Variants in MTRR observed in about 807,000 individuals in gnomAD.
MTRR encodes the protein methionine synthase reductase.
Under a neutral mutation model 79.2 loss-of-function variants are expected in MTRR, and 63 were observed. That is an observed-to-expected ratio of 0.80 (90% confidence interval 0.65 to 0.98). MTRR has a LOEUF of 0.98. Among genes scored for constraint, MTRR ranks in the 50% least tolerant of loss-of-function variants. The probability of loss-of-function intolerance (pLI) is 0.00; values close to 1 mark genes in which losing one functional copy is unlikely to be tolerated. For synonymous variants in MTRR, 355 were observed against 313.3 expected (o/e 1.13, Z -1.41); for missense variants, 895 against 839.6 (o/e 1.07, Z -0.82).
At chr5:7,874,993 T>C (rs944745994) in intron 3 of MTRR, among the ~76,000 whole-genome samples, 3 of 152,210 alleles carry the variant, frequency 2.0e-5, no homozygotes, top group African/African-American at 7.2e-5. Flanking sequence ...CACATAGTCA[T>C]GGAGATGAAA....
chr5:7,869,559 C>A, intron 1 of MTRR: 1 of 285,432 alleles, frequency 3.5e-6, no homozygotes, highest in Non-Finnish European at 6.8e-6. Context: ...GGGAACATGC[C>A]GGGTTGGGGC....
intron 1 of MTRR, among the ~76,000 whole-genome samples, chr5:7,859,982 T>C (rs1000783122): frequency 6.6e-6 from 1 of 151,612 alleles, no homozygotes; most frequent in South Asian, 2.1e-4. Context: ...AAAGAGGGAA[T>C]GAAGAGGGAG....
upstream of MTRR, chr5:7,866,085 T>A: frequency 2.4e-6 from 2 of 828,678 alleles, no homozygotes; most frequent in Non-Finnish European, 4.0e-6. Flanking sequence ...CAGACAGAAG[T>A]ATTCTATTTT....
Position 7,889,207 on chromosome 5 carries a change from C to T in MTRR, c.1259C>T (p.Ala420Val), listed in dbSNP as rs1737135884. The T allele has an allele frequency of 6.2e-7, 1 of 1,613,780 alleles. No homozygotes were observed. The highest frequency in any genetic ancestry group is 8.5e-7 in the Non-Finnish European group (1 of 1,180,024). ...GATTATAGCCGCTTTGTACGAGATG[C>T]CTGTGCCTGCTTGTTGGATCTCCTC... ...AADYSRFVRD[A>V]CACLLDLLLA... The change falls in exon 9 of 15, where the codon GCC (alanine) becomes GTC (valine). Residue 420 changes from alanine (A) to valine (V), a missense_variant. By Grantham distance (64) the Ala-to-Val change is moderately conservative. Coordinates refer to ENST00000440940, the MANE Select transcript of MTRR (RefSeq NM_002454.3).
In MTRR at chr5:7,899,936, G is replaced by T. The variant is rs1468134821; in HGVS notation, c.1975G>T (p.Asp659Tyr). Residue 659 changes from aspartate to tyrosine, a missense_variant, in exon 15 of 15, where the codon GAT becomes TAT. Physicochemically the swap from Asp to Tyr is radical, Grantham distance 160. Coordinates refer to ENST00000440940, the MANE Select transcript of MTRR (RefSeq NM_002454.3). ...VCGDAKNMAK[D>Y]VHDALVQIIS... ...TAGAGATGCAAAGAATATGGCCAAG[G>T]ATGTACATGATGCCCTTGTGCAAAT... 1 of 1,614,148 alleles carries T rather than the reference G, an allele frequency of 6.2e-7. No homozygotes were observed.
Position 7,889,126 on chromosome 5 carries a change from G to A in MTRR, c.1178G>A (p.Ser393Asn). ...AFLRALVDYT[S>N]DSAEKRRLQE... ...TTGCGAGCCCTTGTGGACTATACCA[G>A]TGACAGTGCTGAAAAGCGCAGGCTA... Residue 393 changes from serine to asparagine, a missense_variant, in exon 9 of 15, where the codon AGT (serine) becomes AAT (asparagine). Ser to Asn is a conservative substitution (Grantham distance 46). Coordinates refer to ENST00000440940, the MANE Select transcript of MTRR (RefSeq NM_002454.3). 6.2e-7 allele frequency: 1 copy of A among 1,614,086 alleles called. No homozygotes were observed. The highest frequency in any genetic ancestry group is 8.5e-7 in the Non-Finnish European group (1 of 1,179,964).
intron 6 of MTRR, among the ~76,000 whole-genome samples, 166 bp downstream of exon 6, chr5:7,883,443 A>G (rs441581): frequency 7.5e-6 from 1 of 132,840 alleles, no homozygotes; most frequent in African/African-American, 2.7e-5. Flanking sequence ...TTGGTTACAT[A>G]TGCTGAGTTG....
upstream of MTRR, chr5:7,866,106 T>A (rs1746928418): frequency 1.4e-6 from 1 of 710,446 alleles, no homozygotes; most frequent in East Asian, 2.7e-5. Context: ...TAAATGACAC[T>A]ATGAAATGAA....
At chr5:7,873,652 A>G (rs561816162) in intron 3 of MTRR, 126 bp downstream of exon 3, 6 of 1,082,514 alleles carry the variant, frequency 5.5e-6, no homozygotes, top group Non-Finnish European at 6.8e-6. Flanking sequence ...TATTATGTAT[A>G]TGTATATATA....
Position 7,886,657 on chromosome 5 carries a change from A to T in MTRR, c.1100A>T (p.Gln367Leu). Reference protein sequence around the residue: ...PQHIPAGCSLQFIFTWCLEIR... With the variant: ...PQHIPAGCSLLFIFTWCLEIR... The stretch of plus-strand genomic sequence containing the variant: ...CATATACCTGCGGGATGTTCTCTCC[A>T]GTTCATTTTTACCTGGTGTCTTGAA... Residue 367 changes from glutamine (Q) to leucine (L), a missense_variant, in exon 8 of 15, where the codon CAG becomes CTG. Physicochemically the swap from Gln to Leu is moderately radical, Grantham distance 113 (BLOSUM62 -2). Transcript: ENST00000440940. 6.2e-7 allele frequency: 1 copy of T among 1,614,040 alleles called. No homozygotes were observed. The highest frequency in any genetic ancestry group is 8.5e-7 in the Non-Finnish European group (1 of 1,179,930).
At chr5:7,891,284 ATGGAATTTT>A (rs1737505929) in intron 9 of MTRR, 79 bp from the exon 10 acceptor site, 1 of 751,954 alleles carries the variant, frequency 1.3e-6, no homozygotes, top group South Asian at 1.7e-5. Context: ...TAAATAAGAC[ATGGAATTTT>A]TTTTTTTTTT....
At chr5:7,875,148 C>A (rs148288960) in intron 3 of MTRR, 110 bp from the exon 4 acceptor site, 1 of 804,024 alleles carries the variant, frequency 1.2e-6, no homozygotes, top group Non-Finnish European at 2.2e-6. Flanking sequence ...CATTATTACT[C>A]CATCCATAAG....
chr5:7,857,862 T>C (rs1031574866), intron 1 of MTRR, among the ~76,000 whole-genome samples: 3 of 152,168 alleles, frequency 2.0e-5, no homozygotes, highest in African/African-American at 7.2e-5. Context: ...AAGTGAAAAC[T>C]GCAGAAGGAG....
At chr5:7,888,780 T>G (rs754245052) in intron 8 of MTRR, among the ~76,000 whole-genome samples, 2 of 152,246 alleles carry the variant, frequency 1.3e-5, no homozygotes, top group Non-Finnish European at 2.9e-5. Context: ...TGCCTGTAAT[T>G]AATAACTTGT....
At chr5:7,898,556 A>C (rs1738926680) in intron 14 of MTRR, among the ~76,000 whole-genome samples, 3 of 152,224 alleles carry the variant, frequency 2.0e-5, no homozygotes, top group Admixed American at 1.3e-4. Flanking sequence ...AAGTAGACAG[A>C]AGGAACAGCC....
Position 7,883,232 on chromosome 5 carries a change from G to T in MTRR, c.858G>T (p.Thr286=), listed in dbSNP as rs762745815. The change falls in exon 6 of 15, where the codon ACG becomes ACT. Residue 286 remains threonine, a synonymous_variant. Coordinates refer to ENST00000440940, the MANE Select transcript of MTRR (RefSeq NM_002454.3). The part of the protein sequence containing the change: ...VPISKAVQLT[T]NDAIKTTLLV... ...TTTCAAAGGCAGTTCAACTTACTACGAATGATGCCATAAAAACCACTCTGC... is the reference window on the plus strand; with the variant it reads ...TTTCAAAGGCAGTTCAACTTACTACTAATGATGCCATAAAAACCACTCTGC... 2.5e-6 allele frequency: 4 copies of T among 1,614,072 alleles called. No homozygotes were observed. Among genetic ancestry groups the T allele is most frequent in the Non-Finnish European group, 3.4e-6 (4 of 1,180,026 alleles).
At chr5:7,896,505 C>T (rs1314748038) in intron 12 of MTRR, 2 of 319,448 alleles carry the variant, frequency 6.3e-6, no homozygotes, top group African/African-American at 4.3e-5. Context: ...TTTACACATT[C>T]TGCCTTTAAC....
chr5:7,886,147 T>A (rs1338343980), intron 7 of MTRR, among the ~76,000 whole-genome samples: 4 of 152,220 alleles, frequency 2.6e-5, no homozygotes, highest in Non-Finnish European at 5.9e-5. Context: ...AGGTTATTTT[T>A]AAAAATTCTT....
chr5:7,888,490 G>A lies in MTRR; in HGVS notation c.1147-605G>A, dbSNP rs532559402. Among the ~76,000 whole-genome samples the A allele has an allele frequency of 1.1e-4, 16 of 152,308 alleles. No homozygotes were observed. The South Asian group carries it at 2.9e-3, about 28-fold the overall frequency. Reference sequence around the variant, plus strand: ...TCCATTCAGCAGTGTTTCCTGAGTCGTTGTTTTTGGTCAATGCTGAGTTTG... The same window carrying A: ...TCCATTCAGCAGTGTTTCCTGAGTCATTGTTTTTGGTCAATGCTGAGTTTG... On this transcript the variant is annotated intron_variant, in intron 8 of 14. Transcript: ENST00000440940.
Sources: allele counts gnomAD v4.1 joint callset (sites outside exome capture counted in the v4.1 genomes callset), GRCh38; gene constraint gnomAD v4.1.1; transcripts MANE v1.5; gene names NCBI Gene and HGNC (gene_info 2026-07-23, HGNC 2026-07-21).